The following SEMA5B variants were observed in gnomAD, a reference collection of about 807,000 sequenced individuals.
SEMA5B encodes the protein semaphorin-5B.
SEMA5B carries 66 observed loss-of-function variants against 135.0 expected under a neutral mutation model. The ratio of observed to expected loss-of-function variants is 0.49; its 90% CI spans 0.40 to 0.60. The LOEUF is 0.60. Among genes scored for constraint, SEMA5B ranks in the 20% least tolerant of loss-of-function variants. The probability of loss-of-function intolerance (pLI) is 0.00; values close to 1 mark genes in which losing one functional copy is unlikely to be tolerated. For missense variants in SEMA5B, 1,501 were observed against 1,566.3 expected, an observed-to-expected ratio of 0.96 and a Z score of 0.70; for synonymous variants, 690 against 639.5, an observed-to-expected ratio of 1.08 and a Z score of -1.19.
intron 5 of SEMA5B, among the ~76,000 whole-genome samples, chr3:122,929,708 C>T (rs970832631): frequency 2.6e-5 from 4 of 152,140 alleles, no homozygotes; most frequent in Non-Finnish European, 5.9e-5. Flanking sequence ...TCTCCTCCCT[C>T]CCACCCCCAC....
At chr3:122,946,843 T>C (rs1257022267) in intron 3 of SEMA5B, among the ~76,000 whole-genome samples, 3 of 152,178 alleles carry the variant, frequency 2.0e-5, no homozygotes, top group African/African-American at 7.2e-5. Context: ...GGGGCATTCC[T>C]TCATTCTGTA....
chr3:123,020,075 C>T (rs1311042266), intron 1 of SEMA5B, among the ~76,000 whole-genome samples: 1 of 152,234 alleles, frequency 6.6e-6, no homozygotes, highest in Non-Finnish European at 1.5e-5. Context: ...CAATATTCCA[C>T]TTCTAGAAAT....
At chr3:122,958,587 T>C (rs1052655223) in intron 2 of SEMA5B, among the ~76,000 whole-genome samples, 1 of 152,128 alleles carries the variant, frequency 6.6e-6, no homozygotes, top group African/African-American at 2.4e-5. Flanking sequence ...AAAGATAAGA[T>C]TGAGATGCAG....
intron 2 of SEMA5B, among the ~76,000 whole-genome samples, chr3:122,951,571 C>A (rs1045178164): frequency 6.6e-6 from 1 of 152,234 alleles, no homozygotes; most frequent in Non-Finnish European, 1.5e-5. Context: ...TGTCACCAAG[C>A]CCCGCTGACC....
chr3:123,018,878 C>T (rs999767955), intron 1 of SEMA5B, among the ~76,000 whole-genome samples: 7 of 152,172 alleles, frequency 4.6e-5, no homozygotes, highest in South Asian at 2.1e-4. Context: ...TACGTCATAA[C>T]TTGGACCTGC....
chr3:122,964,832 G>A (rs2107619044), intron 1 of SEMA5B, among the ~76,000 whole-genome samples: 1 of 152,336 alleles, frequency 6.6e-6, no homozygotes, highest in Non-Finnish European at 1.5e-5. Flanking sequence ...CACTCAGGGT[G>A]ACAGAGCCAT....
At chr3:122,969,965 T>G (rs1941041007) in intron 1 of SEMA5B, among the ~76,000 whole-genome samples, 1 of 152,154 alleles carries the variant, frequency 6.6e-6, no homozygotes, top group South Asian at 2.1e-4. Context: ...GTTTCAGGAA[T>G]TAGAAAGCTG....
At chr3:122,972,306 CTT>C (rs1941152985) in intron 1 of SEMA5B, among the ~76,000 whole-genome samples, 1 of 152,108 alleles carries the variant, frequency 6.6e-6, no homozygotes, top group African/African-American at 2.4e-5. Context: ...TGTGCAGTGA[CTT>C]AAGATGTATC....
At chr3:122,928,709 G>T in intron 6 of SEMA5B, 94 bp from the exon 7 acceptor site, 1 of 982,962 alleles carries the variant, frequency 1.0e-6, no homozygotes, top group Non-Finnish European at 1.5e-6. Context: ...ATGCCAACAA[G>T]TATTCTAAAC....
chr3:123,003,429 C>A (rs1375743645), intron 1 of SEMA5B, among the ~76,000 whole-genome samples: 1 of 150,778 alleles, frequency 6.6e-6, no homozygotes, highest in African/African-American at 2.4e-5. Flanking sequence ...ATGAGAGGAA[C>A]TTTAGAGATA....
At chr3:122,910,637 C>T (rs1368259992) in intron 22 of SEMA5B, among the ~76,000 whole-genome samples, 4 of 151,842 alleles carry the variant, frequency 2.6e-5, no homozygotes, top group African/African-American at 7.3e-5. Context: ...GGTGAAACCC[C>T]GTCTCTACTA....
chr3:122,944,258 C>T (rs576089412), intron 3 of SEMA5B, among the ~76,000 whole-genome samples: 64 of 152,318 alleles, frequency 4.2e-4, no homozygotes, highest in African/African-American at 1.5e-3. Context: ...TCACACTTCC[C>T]CAAATCCATC....
At chr3:122,953,749 T>C (rs1034639991) in intron 2 of SEMA5B, among the ~76,000 whole-genome samples, 5 of 152,212 alleles carry the variant, frequency 3.3e-5, no homozygotes, top group African/African-American at 4.8e-5. Context: ...GGAAATGTTA[T>C]GGGGTCTGAC....
chr3:122,996,810 C>T (rs1942032169), intron 1 of SEMA5B, among the ~76,000 whole-genome samples: 1 of 152,148 alleles, frequency 6.6e-6, no homozygotes, highest in Admixed American at 6.5e-5. Context: ...GCCCGAGTAG[C>T]GTTCGACCTG....
chr3:122,910,926 G>A lies in SEMA5B; in HGVS notation c.3211C>T (p.Leu1071=), dbSNP rs933679820. Residue 1071 remains leucine, a synonymous_variant, in exon 22 of 23, where the codon CTG becomes TTG. Transcript: ENST00000357599. ...HCQRQSQEST[L]VHPATPNHLH... ...TGGTTGGGGGTGGCAGGATGGACCA[G>A]TGTGGACTCCTGGGACTGACGCTGG... 2.5e-6 allele frequency: 4 copies of A among 1,613,874 alleles called. No individual in the cohort carries two copies. The East Asian group carries it at 8.9e-5, about 36-fold the overall frequency.
rs3080430 is a variant in SEMA5B at position 123,023,322 on chromosome 3, G to GCACACACA, written c.-39+4134_-39+4141dup. On this transcript the variant is annotated intron_variant, in intron 1 of 22. Transcript: ENST00000357599. ...CATTCATTAGAAGTAACTATTTCCAGCACACACACACACACACACACACAC... is the reference window on the plus strand; with the variant it reads ...CATTCATTAGAAGTAACTATTTCCAGCACACACACACACACACACACACACACACACAC... 4.5e-3 allele frequency among the ~76,000 whole-genome samples: 655 copies of GCACACACA among 144,030 alleles called. 1 individual carries two copies. The highest frequency in any genetic ancestry group is 0.012 in the African/African-American group (484 of 39,474). 94.5% of individuals were successfully genotyped at this position (144,030 alleles called of 152,430 possible).
chr3:122,931,883 T>G (rs995774884), intron 5 of SEMA5B, among the ~76,000 whole-genome samples: 1 of 152,164 alleles, frequency 6.6e-6, no homozygotes, highest in African/African-American at 2.4e-5. Flanking sequence ...CTAAAATGGT[T>G]TGTGGACTGA....
chr3:122,989,650 T>C (rs1167836515), intron 1 of SEMA5B, among the ~76,000 whole-genome samples: 1 of 152,170 alleles, frequency 6.6e-6, no homozygotes, highest in Non-Finnish European at 1.5e-5. Context: ...CCCAGCTCTG[T>C]CGTGGGGCCA....
At chr3:122,921,434 A>G (rs1023919066) in intron 12 of SEMA5B, among the ~76,000 whole-genome samples, 2 of 152,210 alleles carry the variant, frequency 1.3e-5, no homozygotes, top group Non-Finnish European at 2.9e-5. Context: ...CCCTACCTGC[A>G]GCAGCCCTCT....
Sources: allele counts gnomAD v4.1 joint callset (sites outside exome capture counted in the v4.1 genomes callset), GRCh38; gene constraint gnomAD v4.1.1; transcripts MANE v1.5; gene names NCBI Gene and HGNC (gene_info 2026-07-23, HGNC 2026-07-21).